The following TSPEAR variants were observed in gnomAD, a reference collection of about 807,000 sequenced individuals.
TSPEAR encodes thrombospondin-type laminin G domain and EAR repeat-containing protein.
A neutral mutation model predicts 71.6 loss-of-function variants in TSPEAR; 69 were observed. The ratio of observed to expected loss-of-function variants is 0.96; its 90% CI spans 0.79 to 1.18. The LOEUF is 1.18. TSPEAR is among the 50% of genes most tolerant of loss of function. The pLI is 0.00. For missense variants in TSPEAR, 971 were observed against 894.9 expected (o/e 1.09, Z -1.09); for synonymous variants, 402 against 387.2 (o/e 1.04, Z -0.45).
intron 1 of TSPEAR, among the ~76,000 whole-genome samples, chr21:44,610,309 G>C (rs587753889): frequency 6.6e-6 from 1 of 152,178 alleles, no homozygotes; most frequent in African/African-American, 2.4e-5. Context: ...CTGGAGGCCT[G>C]GGAGGAAAAA....
chr21:44,560,417 C>T (rs587747413), intron 2 of TSPEAR, among the ~76,000 whole-genome samples: 1 of 152,258 alleles, frequency 6.6e-6, no homozygotes, highest in African/African-American at 2.4e-5. Flanking sequence ...CAATATTAGA[C>T]AGATCAATGT....
At chr21:44,578,203 G>A (rs139355907) in intron 1 of TSPEAR, among the ~76,000 whole-genome samples, 8 of 152,158 alleles carry the variant, frequency 5.3e-5, no homozygotes, top group African/African-American at 7.2e-5. Flanking sequence ...ATGAATAAAA[G>A]GTTGCCACTA....
rs781802508 is a variant in TSPEAR, at chr21:44,574,883, G to A, written c.83-6878C>T. Reference sequence around the variant, plus strand: ...CCGTGTGCAGGCCCGCCTGCTGCGTGCCCGTCCCTTCCTGCTGTGCTCCCA... The same window carrying A: ...CCGTGTGCAGGCCCGCCTGCTGCGTACCCGTCCCTTCCTGCTGTGCTCCCA... On this transcript the variant is annotated intron_variant, in intron 1 of 11. Transcript: ENST00000323084. 2.2e-5 allele frequency: 36 copies of A among 1,612,226 alleles called. No homozygotes were observed. In the East Asian group the frequency reaches 7.6e-4, roughly 34 times the overall value.
At position 44,497,895 on chromosome 21, in the gene TSPEAR, G is replaced by A. The variant is rs1555910695; in HGVS notation, c.*1888C>T. ...CAAAAAAGTACCCGACCCAGGCCTC[G>A]ATCAATGGAGAAGTTTATTTTGCCA... On this transcript the variant is annotated 3_prime_UTR_variant, in exon 12 of 12. Transcript: ENST00000323084. 1.3e-5 allele frequency: 2 copies of A among 152,222 alleles called. No homozygotes were observed. The highest frequency in any genetic ancestry group is 2.4e-5 in the African/African-American group (1 of 41,440). The allele number at this position is 152,222 out of a possible 1,614,324, so 9.4% of individuals were successfully genotyped here. A position where few individuals can be genotyped will look rare whatever the true frequency, so the allele number is the denominator to read the frequency against.
chr21:44,617,030 G>A (rs1410260645), intron 1 of TSPEAR, among the ~76,000 whole-genome samples: 1 of 152,028 alleles, frequency 6.6e-6, no homozygotes, highest in African/African-American at 2.4e-5. Flanking sequence ...ACACATGGGG[G>A]GTCTCTAAAA....
At chr21:44,533,334 C>T (rs920216939) in intron 3 of TSPEAR, among the ~76,000 whole-genome samples, 11 of 152,214 alleles carry the variant, frequency 7.2e-5, no homozygotes, top group African/African-American at 1.7e-4. Context: ...CTGGCGCGGA[C>T]GCTGACCTGA....
intron 11 of TSPEAR, among the ~76,000 whole-genome samples, chr21:44,502,853 G>A (rs113585530): frequency 2.0e-5 from 3 of 148,898 alleles, no homozygotes; most frequent in African/African-American, 2.5e-5. Flanking sequence ...TGAGCCCTTG[G>A]GGGGAAGCAA....
chr21:44,599,841 C>T (rs997394462), intron 1 of TSPEAR, among the ~76,000 whole-genome samples: 6 of 152,202 alleles, frequency 3.9e-5, no homozygotes, highest in Non-Finnish European at 5.9e-5. Context: ...GCTTTTCACA[C>T]GGCAGTGCTG....
At chr21:44,684,532 C>CA (rs1466190063) in intron 1 of TSPEAR, among the ~76,000 whole-genome samples, 3 of 152,178 alleles carry the variant, frequency 2.0e-5, no homozygotes, top group Non-Finnish European at 4.4e-5. Flanking sequence ...AGAAGGGTCT[C>CA]AAAAAACCCC....
At chr21:44,699,399 G>A (rs1418690745) in intron 1 of TSPEAR, among the ~76,000 whole-genome samples, 3 of 117,850 alleles carry the variant, frequency 2.5e-5, no homozygotes, top group East Asian at 5.2e-4. Context: ...AAAAAAAAAA[G>A]GGTTGGGGAA....
At chr21:44,500,632 T>C (rs2052013077) in intron 11 of TSPEAR, among the ~76,000 whole-genome samples, 1 of 152,338 alleles carries the variant, frequency 6.6e-6, no homozygotes, top group Non-Finnish European at 1.5e-5. Flanking sequence ...GGGGTCCCCC[T>C]GGGATCCCCC....
At chr21:44,538,231 G>A (rs587741309) in intron 2 of TSPEAR, among the ~76,000 whole-genome samples, 28 of 152,234 alleles carry the variant, frequency 1.8e-4, no homozygotes, top group Middle Eastern at 3.4e-3. Flanking sequence ...CCAGGGTGGC[G>A]GAGCCCCATG....
At chr21:44,511,454 TCATGTATACATACA>T (rs1555912690) in intron 9 of TSPEAR, among the ~76,000 whole-genome samples, 1 of 152,210 alleles carries the variant, frequency 6.6e-6, no homozygotes, top group Non-Finnish European at 1.5e-5. Flanking sequence ...ACAGGCCTGC[TCATGTATACATACA>T]CATGTATACC....
chr21:44,666,460 A>C (rs2838622), intron 1 of TSPEAR: 4 of 1,584,624 alleles, frequency 2.5e-6, no homozygotes, highest in Non-Finnish European at 3.4e-6. Context: ...CAGCAGGAAG[A>C]GATACTGTAG....
At chr21:44,557,287 G>A (rs2053548047) in intron 2 of TSPEAR, among the ~76,000 whole-genome samples, 1 of 152,144 alleles carries the variant, frequency 6.6e-6, no homozygotes, top group African/African-American at 2.4e-5. Context: ...TGGTTACTCA[G>A]CTGCAAACAG....
At chr21:44,595,271 C>T (rs587761274) in intron 1 of TSPEAR, among the ~76,000 whole-genome samples, 2 of 152,322 alleles carry the variant, frequency 1.3e-5, no homozygotes, top group South Asian at 4.1e-4. Flanking sequence ...TGCACACACA[C>T]AGCCCATTCT....
intron 1 of TSPEAR, chr21:44,697,480 T>A (rs1987415788): frequency 2.5e-6 from 4 of 1,613,938 alleles, no homozygotes. Context: ...GCCAGCCGGC[T>A]TGCTGCACCT....
At chr21:44,674,765 T>C (rs929797844) in intron 1 of TSPEAR, among the ~76,000 whole-genome samples, 2 of 150,804 alleles carry the variant, frequency 1.3e-5, no homozygotes, top group African/African-American at 4.9e-5. Flanking sequence ...TGTGTGTGTG[T>C]GTGTGTGTGT....
intron 1 of TSPEAR, among the ~76,000 whole-genome samples, chr21:44,651,476 G>A (rs781911035): frequency 5.9e-5 from 9 of 152,142 alleles, no homozygotes; most frequent in East Asian, 1.9e-4. Flanking sequence ...TGGGCAGGGC[G>A]GGTTCCTTCG....
Sources: gnomAD v4.1 joint callset for allele counts (sites outside exome capture counted in the v4.1 genomes callset) on GRCh38, gnomAD v4.1.1 for gene constraint, MANE v1.5 for transcripts, NCBI Gene and HGNC (gene_info 2026-07-23, HGNC 2026-07-21) for gene names.